The following MOB3B variants were observed in gnomAD, a reference collection of about 807,000 sequenced individuals.
The protein encoded by MOB3B is MOB kinase activator-like 2B.
Under a neutral mutation model 18.7 loss-of-function variants are expected in MOB3B, and 7 were observed. The ratio of observed to expected loss-of-function variants is 0.37; its 90% CI spans 0.21 to 0.70. The LOEUF (loss-of-function observed/expected upper bound fraction) is 0.70, where lower values mean the gene tolerates loss of function less well. Among genes scored for constraint, MOB3B ranks in the 30% least tolerant of loss-of-function variants. The pLI, the probability that MOB3B is intolerant of heterozygous loss-of-function variation, is 0.52. For missense variants in MOB3B, 253 were observed against 281.3 expected (o/e 0.90, Z 0.72); for synonymous variants, 111 against 99.9 (o/e 1.11, Z -0.66).
chr9:27,455,905 C>T (rs569951172), intron 1 of MOB3B, among the ~76,000 whole-genome samples, 157 bp from the exon 2 acceptor site: 1 of 152,314 alleles, frequency 6.6e-6, no homozygotes, highest in Non-Finnish European at 1.5e-5. Context: ...TGACTCTGTA[C>T]TGTTGATGCA....
At chr9:27,496,089 A>ACTAAAAAC (rs1439871355) in intron 1 of MOB3B, among the ~76,000 whole-genome samples, 1 of 152,206 alleles carries the variant, frequency 6.6e-6, no homozygotes, top group Non-Finnish European at 1.5e-5. Flanking sequence ...AAGCAATATC[A>ACTAAAAAC]CTAAAAACGA....
intron 1 of MOB3B, among the ~76,000 whole-genome samples, chr9:27,468,996 T>G (rs568961789): frequency 6.6e-6 from 1 of 152,334 alleles, no homozygotes; most frequent in Non-Finnish European, 1.5e-5. Flanking sequence ...GTTTAAAAAG[T>G]CATGGTAGAA....
At chr9:27,340,127 A>G (rs1186792662) in intron 3 of MOB3B, among the ~76,000 whole-genome samples, 1 of 152,218 alleles carries the variant, frequency 6.6e-6, no homozygotes, top group East Asian at 1.9e-4. Flanking sequence ...AACAATATTT[A>G]TTTGATTAAT....
chr9:27,326,303 G>A lies in MOB3B; in HGVS notation c.*4284C>T. The A allele has an allele frequency of 2.5e-6, 1 of 395,098 alleles. No homozygotes were observed. The highest frequency in any genetic ancestry group is 2.1e-5 in the African/African-American group (1 of 48,664). 24.5% of individuals were successfully genotyped at this position (395,098 alleles called of 1,614,324 possible). On this transcript the variant is annotated 3_prime_UTR_variant, in exon 4 of 4. Transcript: ENST00000262244. The stretch of plus-strand genomic sequence containing the variant: ...AGACTCCGTAGAGGATGCCACCCTG[G>A]GAGAATTGCAAGGGAAAGGAGGCTG...
chr9:27,359,845 C>T (rs1821248221), intron 2 of MOB3B, among the ~76,000 whole-genome samples: 1 of 152,212 alleles, frequency 6.6e-6, no homozygotes, highest in Admixed American at 6.5e-5. Flanking sequence ...GACCACTACT[C>T]CCAGCTCAGT....
chr9:27,478,786 A>G (rs1819600377), intron 1 of MOB3B, among the ~76,000 whole-genome samples: 1 of 149,022 alleles, frequency 6.7e-6, no homozygotes, highest in South Asian at 2.1e-4. Flanking sequence ...TTAGAAAATT[A>G]CAAGTCCCAA....
At chr9:27,371,490 C>T (rs114870942) in intron 2 of MOB3B, among the ~76,000 whole-genome samples, 2 of 151,996 alleles carry the variant, frequency 1.3e-5, no homozygotes, top group Non-Finnish European at 1.5e-5. Flanking sequence ...TAAGATCCCG[C>T]GAAGGTAAGT....
At chr9:27,523,343 C>G (rs1802802159) in intron 1 of MOB3B, among the ~76,000 whole-genome samples, 1 of 152,054 alleles carries the variant, frequency 6.6e-6, no homozygotes, top group Non-Finnish European at 1.5e-5. Flanking sequence ...TCACATACCT[C>G]CTCAGTGCAC....
At chr9:27,445,610 G>A (rs1340588513) in intron 2 of MOB3B, among the ~76,000 whole-genome samples, 1 of 152,140 alleles carries the variant, frequency 6.6e-6, no homozygotes, top group Non-Finnish European at 1.5e-5. Flanking sequence ...AATATGGATG[G>A]CTTATCTGAG....
intron 1 of MOB3B, among the ~76,000 whole-genome samples, chr9:27,471,223 A>G (rs574498642): frequency 1.2e-4 from 19 of 152,354 alleles, no homozygotes; most frequent in African/African-American, 4.3e-4. Context: ...CTGGCCTGGC[A>G]TATCCAGTGG....
At chr9:27,405,076 C>T (rs1464382432) in intron 2 of MOB3B, among the ~76,000 whole-genome samples, 20 of 111,118 alleles carry the variant, frequency 1.8e-4, no homozygotes, top group South Asian at 3.5e-4. Flanking sequence ...TGAGAAATAT[C>T]TATTCAGAAC....
Position 27,450,544 on chromosome 9 carries a change from C to A in MOB3B, c.418+4589G>T, listed in dbSNP as rs148847007. On this transcript the variant is annotated intron_variant, in intron 2 of 3. Coordinates refer to ENST00000262244, the MANE Select transcript of MOB3B (RefSeq NM_024761.5). Reference sequence around the variant, plus strand: ...AAAAAGAATCCTTTATCTAAAAGTTCTAGCCAAAAAAACAAAAACAAAAAC... The same window carrying A: ...AAAAAGAATCCTTTATCTAAAAGTTATAGCCAAAAAAACAAAAACAAAAAC... Among the ~76,000 whole-genome samples, 81 of 152,206 alleles carry A rather than the reference C, an allele frequency of 5.3e-4. 1 individual carries two copies. The East Asian group carries it at 0.015, about 28-fold the overall frequency.
rs66757462 is a variant in MOB3B at position 27,489,741 on chromosome 9, C to CTTTTT, written c.-198-33998_-198-33994dup. Among the ~76,000 whole-genome samples the CTTTTT allele has an allele frequency of 1.1e-4, 8 of 73,152 alleles. No homozygotes were observed. In the East Asian group the frequency reaches 1.6e-3, roughly 15 times the overall value. 48.0% of individuals were successfully genotyped at this position (73,152 alleles called of 152,430 possible). A position where few individuals can be genotyped will look rare whatever the true frequency, so the allele number is the denominator to read the frequency against. ...ACATCACACCAGATAAGGAAATAAT[C>CTTTTT]TTTTTTTTTTTTTGGTCCAACAGGG... On this transcript the variant is annotated intron_variant, in intron 1 of 3. Transcript: ENST00000262244.
chr9:27,454,194 T>A (rs1822835076), intron 2 of MOB3B, among the ~76,000 whole-genome samples: 1 of 152,242 alleles, frequency 6.6e-6, no homozygotes. Flanking sequence ...TGGGGACACA[T>A]CCTACCCCAA....
chr9:27,403,758 T>A (rs950680205), intron 2 of MOB3B, among the ~76,000 whole-genome samples: 59 of 152,054 alleles, frequency 3.9e-4, no homozygotes, highest in African/African-American at 1.4e-3. Flanking sequence ...GGATTACAGG[T>A]GTGAGCCATT....
chr9:27,448,105 C>T (rs1195334913), intron 2 of MOB3B, among the ~76,000 whole-genome samples: 1 of 152,118 alleles, frequency 6.6e-6, no homozygotes, highest in Non-Finnish European at 1.5e-5. Context: ...GTGATGTTGA[C>T]TCTGGGGTAA....
chr9:27,354,692 T>G (rs1821159444), intron 3 of MOB3B, among the ~76,000 whole-genome samples: 1 of 152,180 alleles, frequency 6.6e-6, no homozygotes, highest in African/African-American at 2.4e-5. Context: ...TATTAAGCAT[T>G]TATTAGGTAC....
rs189381378 is a variant in MOB3B, at chr9:27,326,527, G to T, written c.*4060C>A. ...ATGTTGTGGAGGGTTCAGTGGGTTG[G>T]TTATACCAAAGAATGCTATAGAATT... On this transcript the variant is annotated 3_prime_UTR_variant, in exon 4 of 4. Coordinates refer to ENST00000262244, the MANE Select transcript of MOB3B (RefSeq NM_024761.5). 1.3e-5 allele frequency: 5 copies of T among 398,428 alleles called. No individual in the cohort carries two copies. The highest frequency in any genetic ancestry group is 2.2e-5 in the Non-Finnish European group (5 of 226,058). The allele number at this position is 398,428 out of a possible 1,614,324, so 24.7% of individuals were successfully genotyped here.
At chr9:27,498,169 T>C (rs1308483386) in intron 1 of MOB3B, among the ~76,000 whole-genome samples, 1 of 152,130 alleles carries the variant, frequency 6.6e-6, no homozygotes, top group Non-Finnish European at 1.5e-5. Flanking sequence ...CTCTATGGTG[T>C]TCTCACACTC....
Sources: allele counts gnomAD v4.1 joint callset (sites outside exome capture counted in the v4.1 genomes callset), GRCh38; gene constraint gnomAD v4.1.1; transcripts MANE v1.5; gene names NCBI Gene and HGNC (gene_info 2026-07-23, HGNC 2026-07-21).